EPM2A: variants seen among roughly 807,000 people sequenced by gnomAD.
The protein encoded by EPM2A is EPM2A glucan phosphatase, laforin, also known as laforin.
Under a neutral mutation model 26.5 loss-of-function variants are expected in EPM2A, and 21 were observed. That is an observed-to-expected ratio of 0.79 (90% confidence interval 0.56 to 1.14). The LOEUF (loss-of-function observed/expected upper bound fraction) is 1.14. EPM2A is among the 50% of genes most tolerant of loss of function. The probability of loss-of-function intolerance (pLI) is 0.00; values close to 1 mark genes in which losing one functional copy is unlikely to be tolerated. For missense variants in EPM2A, 458 were observed against 440.8 expected (o/e 1.04, Z -0.35); for synonymous variants, 217 against 177.6 (o/e 1.22, Z -1.76).
chr6:145,627,531 TAC>T lies in EPM2A; in HGVS notation c.879_880del (p.Tyr294PhefsTer12). 1 of 1,614,236 alleles carries T rather than the reference TAC, an allele frequency of 6.2e-7. No individual in the cohort carries two copies. Among genetic ancestry groups the T allele is most frequent in the East Asian group, 2.2e-5 (1 of 44,874 alleles). On this transcript the variant is annotated frameshift_variant, in exon 4 of 4. Coordinates refer to ENST00000367519, the MANE Select transcript of EPM2A (RefSeq NM_005670.4). LOFTEE classifies it high-confidence loss of function. Reference sequence around the variant, plus strand: ...AGCCGGCCTCTTGGCCATGAGGAAATACTGCACCTTCCTCAGATTCCAGCCCA... The same window carrying T: ...AGCCGGCCTCTTGGCCATGAGGAAATTGCACCTTCCTCAGATTCCAGCCCA...
chr6:145,468,320 G>A (rs537835173), intron 4 of EPM2A, among the ~76,000 whole-genome samples: 52 of 152,056 alleles, frequency 3.4e-4, no homozygotes, highest in South Asian at 4.1e-4. Context: ...TTTAATCGCC[G>A]TACATTGTAA....
chr6:145,727,087 A>G (rs910356848), intron 1 of EPM2A, among the ~76,000 whole-genome samples: 1 of 152,158 alleles, frequency 6.6e-6, no homozygotes, highest in Non-Finnish European at 1.5e-5. Flanking sequence ...AAAATAATCC[A>G]CAAATAAAGC....
intron 2 of EPM2A, among the ~76,000 whole-genome samples, chr6:145,661,213 T>C (rs1008389168): frequency 6.6e-6 from 1 of 152,192 alleles, no homozygotes; most frequent in Non-Finnish European, 1.5e-5. Flanking sequence ...ATAAACGCCC[T>C]TTCACAATCT....
chr6:145,696,129 G>C (rs1172439871), intron 1 of EPM2A, among the ~76,000 whole-genome samples: 1 of 151,850 alleles, frequency 6.6e-6, no homozygotes, highest in East Asian at 1.9e-4. Context: ...GAGAAAACTG[G>C]GAAAATTTAC....
chr6:145,555,159 T>C (rs1237678183), intron 2 of EPM2A, among the ~76,000 whole-genome samples: 1 of 152,106 alleles, frequency 6.6e-6, no homozygotes, highest in East Asian at 1.9e-4. Flanking sequence ...ATGGTTTAAA[T>C]GGGATCGTTC....
chr6:145,509,271 A>G (rs932886231), intron 2 of EPM2A, among the ~76,000 whole-genome samples: 2 of 152,192 alleles, frequency 1.3e-5, no homozygotes, highest in African/African-American at 2.4e-5. Context: ...GATGAACATC[A>G]CCAAGGTACA....
chr6:145,665,081 C>T (rs1223761183), intron 2 of EPM2A, among the ~76,000 whole-genome samples: 1 of 70,588 alleles, frequency 1.4e-5, no homozygotes, highest in Non-Finnish European at 2.8e-5. Flanking sequence ...AAAATTGACA[C>T]CCTAACATCA....
At chr6:145,662,824 G>T (rs557289301) in intron 2 of EPM2A, among the ~76,000 whole-genome samples, 1 of 152,250 alleles carries the variant, frequency 6.6e-6, no homozygotes, top group East Asian at 1.9e-4. Context: ...TGCTAAAAAT[G>T]GATTTTACAA....
intron 1 of EPM2A, among the ~76,000 whole-genome samples, chr6:145,711,743 A>G (rs1053174385): frequency 6.6e-6 from 1 of 152,174 alleles, no homozygotes; most frequent in Non-Finnish European, 1.5e-5. Context: ...AAAAGTTGAT[A>G]TCATTTTTCA....
chr6:145,416,354 T>C (rs1172161533), intron 4 of EPM2A, among the ~76,000 whole-genome samples: 1 of 152,042 alleles, frequency 6.6e-6, no homozygotes, highest in Non-Finnish European at 1.5e-5. Context: ...ATCTCACAAC[T>C]TGGAATTTTC....
downstream of EPM2A, among the ~76,000 whole-genome samples, chr6:145,497,488 G>A (rs1779836399): frequency 6.6e-6 from 1 of 152,210 alleles, no homozygotes; most frequent in Non-Finnish European, 1.5e-5. Flanking sequence ...GGAGACCCTG[G>A]TTAGGAGGTC....
At chr6:145,560,771 G>T (rs1780793312) in intron 2 of EPM2A, among the ~76,000 whole-genome samples, 1 of 152,122 alleles carries the variant, frequency 6.6e-6, no homozygotes. Flanking sequence ...GTATCAAAAA[G>T]CAATGCTTCA....
At chr6:145,650,233 T>C (rs1777784808) in intron 2 of EPM2A, among the ~76,000 whole-genome samples, 2 of 152,088 alleles carry the variant, frequency 1.3e-5, no homozygotes, top group Admixed American at 1.3e-4. Context: ...ATTTCCCCAA[T>C]AGTCTATATA....
chr6:145,530,492 A>G (rs1392834663), intron 2 of EPM2A, among the ~76,000 whole-genome samples: 1 of 149,840 alleles, frequency 6.7e-6, no homozygotes, highest in Non-Finnish European at 1.5e-5. Flanking sequence ...CTTGTTGTTA[A>G]GAGACAGGCA....
chr6:145,601,308 ATTTG>A (rs1051842574), intron 2 of EPM2A, among the ~76,000 whole-genome samples: 10 of 151,478 alleles, frequency 6.6e-5, no homozygotes, highest in Admixed American at 6.6e-5. Context: ...CTTTTTATTT[ATTTG>A]TTTGTGTGTG....
chr6:145,733,189 C>T (rs1274052981), intron 1 of EPM2A, among the ~76,000 whole-genome samples: 3 of 152,018 alleles, frequency 2.0e-5, no homozygotes, highest in African/African-American at 4.8e-5. Flanking sequence ...TTTTCTTATC[C>T]TCTCTTATAG....
chr6:145,699,623 G>A (rs1268461517), intron 1 of EPM2A, among the ~76,000 whole-genome samples: 1 of 152,184 alleles, frequency 6.6e-6, no homozygotes, highest in East Asian at 1.9e-4. Context: ...TTCAAGTTAG[G>A]AAATGGATAA....
Position 145,492,278 on chromosome 6 carries a change from G to A in EPM2A, c.555+10244C>T, listed in dbSNP as rs116298826. ...ACCATTCAGAGGAGGAAGCATGCAG[G>A]TGAGCAGGTGCAGGAGCTGGGGTGA... On this transcript the variant is annotated intron_variant, in intron 4 of 4. Transcript: ENST00000638717. 3.8e-3 allele frequency among the ~76,000 whole-genome samples: 581 copies of A among 152,256 alleles called. 2 individuals carry two copies. Among genetic ancestry groups the A allele is most frequent in the African/African-American group, 0.014 (566 of 41,548 alleles).
intron 2 of EPM2A, among the ~76,000 whole-genome samples, chr6:145,566,153 A>G (rs1404091072): frequency 2.0e-5 from 3 of 152,216 alleles, no homozygotes; most frequent in African/African-American, 7.2e-5. Context: ...AGGCAGTGAC[A>G]GAAAATTGGG....
Sources: allele counts gnomAD v4.1 joint callset (sites outside exome capture counted in the v4.1 genomes callset), GRCh38; gene constraint gnomAD v4.1.1; transcripts MANE v1.5; gene names NCBI Gene and HGNC (gene_info 2026-07-23, HGNC 2026-07-21).